Variants in HDAC8 observed in about 807,000 individuals in gnomAD.
The protein encoded by HDAC8 is histone deacetylase 8, also known as histone deacetylase-like 1.
HDAC8 carries 1 observed loss-of-function variant against 32.2 expected under a neutral mutation model. That is an observed-to-expected ratio of 0.03 (90% CI 0.01 to 0.15). The LOEUF is 0.15. HDAC8 is among the 10% of genes least tolerant of loss of function. The probability of loss-of-function intolerance (pLI) is 1.00; values close to 1 mark genes in which losing one functional copy is unlikely to be tolerated. For synonymous variants in HDAC8, 108 were observed against 113.9 expected (o/e 0.95, Z 0.33); for missense variants, 117 against 300.0 (o/e 0.39, Z 4.51).
At chrX:72,552,820 T>C (rs1445821326) in intron 4 of HDAC8, among the ~76,000 whole-genome samples, 5 of 88,860 alleles carry the variant, frequency 5.6e-5, no homozygotes, top group Non-Finnish European at 9.6e-5. Flanking sequence ...TATATACGTA[T>C]ATATACATAT....
intron 9 of HDAC8, among the ~76,000 whole-genome samples, chrX:72,460,638 T>A (rs1305070600): frequency 8.9e-6 from 1 of 112,080 alleles, no homozygotes; most frequent in Non-Finnish European, 1.9e-5. Context: ...TAAAATTTTA[T>A]CAATCTTTTA....
At chrX:72,566,606 C>T (rs1352381431) in intron 4 of HDAC8, among the ~76,000 whole-genome samples, 4 of 112,041 alleles carry the variant, frequency 3.6e-5, no homozygotes, top group African/African-American at 1.3e-4. Context: ...TTTCTCTTGA[C>T]CTAAGAGCAC....
intron 10 of HDAC8, among the ~76,000 whole-genome samples, chrX:72,349,926 C>A (rs782025296): frequency 2.7e-5 from 3 of 111,350 alleles, no homozygotes; most frequent in South Asian, 3.8e-4. Flanking sequence ...GGATTTAGAG[C>A]CTGGATGGGG....
rs782242024 is a variant in HDAC8 at position 72,491,759 on chromosome X, A to C, written c.551-753T>G. Among the ~76,000 whole-genome samples, 3 of 111,566 alleles carry C rather than the reference A, an allele frequency of 2.7e-5. No homozygotes were observed. The East Asian group carries it at 8.5e-4, about 31-fold the overall frequency. On this transcript the variant is annotated intron_variant, in intron 5 of 10. Coordinates refer to ENST00000373573, the MANE Select transcript of HDAC8 (RefSeq NM_018486.3). ...AAAGCTGGGATTTAAAGTAACCCTC[A>C]CAAGCCTCTACGTATACAGGTAAAC...
chrX:72,530,002 A>AG (rs2050278520), intron 4 of HDAC8, among the ~76,000 whole-genome samples: 1 of 112,264 alleles, frequency 8.9e-6, no homozygotes, highest in South Asian at 3.7e-4. Flanking sequence ...AAGTTTTCTG[A>AG]GGCCTCCCAG....
At chrX:72,400,199 T>C (rs1398668703) in intron 9 of HDAC8, among the ~76,000 whole-genome samples, 1 of 111,851 alleles carries the variant, frequency 8.9e-6, no homozygotes, top group Non-Finnish European at 1.9e-5. Context: ...ATATCTTCTC[T>C]TCTCTTGCTA....
At position 72,465,423 on chromosome X, in the gene HDAC8, GT is replaced by G. The variant is rs373742210; in HGVS notation, c.738-693del. On this transcript the variant is annotated intron_variant, in intron 7 of 10. Transcript: ENST00000373573. ...TCAGTGCTACCTACTCAACCTAGCTGTTTTTTTTTTTTTGATAGAACCCTTG... is the reference window on the plus strand; with the variant it reads ...TCAGTGCTACCTACTCAACCTAGCTGTTTTTTTTTTTTGATAGAACCCTTG... 5.1e-3 allele frequency among the ~76,000 whole-genome samples: 518 copies of G among 100,743 alleles called. 5 individuals are homozygous for G. The highest frequency in any genetic ancestry group is 0.028 in the East Asian group (90 of 3,265). The allele number at this position is 100,743 out of a possible 115,157, so 87.5% of individuals were successfully genotyped here. A position where few individuals can be genotyped will look rare whatever the true frequency, so the allele number is the denominator to read the frequency against.
chrX:72,502,856 G>C (rs183467476), intron 4 of HDAC8, among the ~76,000 whole-genome samples: 2 of 110,818 alleles, frequency 1.8e-5, no homozygotes, highest in East Asian at 5.7e-4. Context: ...AACCCAGGAG[G>C]GGGAGGTTGC....
At chrX:72,395,084 AAC>A (rs1216606906) in intron 9 of HDAC8, among the ~76,000 whole-genome samples, 1 of 112,022 alleles carries the variant, frequency 8.9e-6, no homozygotes, top group Non-Finnish European at 1.9e-5. Context: ...AACAAAACAA[AAC>A]AACTATAGTT....
At chrX:72,434,277 C>A (rs1183185779) in intron 9 of HDAC8, among the ~76,000 whole-genome samples, 5 of 111,099 alleles carry the variant, frequency 4.5e-5, no homozygotes, top group Non-Finnish European at 1.9e-5. Context: ...TGCTGACAGA[C>A]ATATATGAGA....
At chrX:72,370,734 C>T (rs373091535) in intron 9 of HDAC8, among the ~76,000 whole-genome samples, 10 of 111,977 alleles carry the variant, frequency 8.9e-5, no homozygotes, top group African/African-American at 3.2e-4. Flanking sequence ...GAGAGCCAGT[C>T]GGAGTTCCAA....
intron 7 of HDAC8, among the ~76,000 whole-genome samples, chrX:72,474,923 GT>G (rs1248866913): frequency 9.0e-6 from 1 of 111,564 alleles, no homozygotes; most frequent in Non-Finnish European, 1.9e-5. Context: ...ATGTTTTGTG[GT>G]TTTTTTGTTA....
chrX:72,367,375 C>T (rs1256429891), intron 9 of HDAC8, among the ~76,000 whole-genome samples: 2 of 112,078 alleles, frequency 1.8e-5, no homozygotes, highest in Non-Finnish European at 3.8e-5. Context: ...GCCTGGTTTC[C>T]ACCAACACTT....
Position 72,379,559 on chromosome X carries a change from G to A in HDAC8, c.1006-27721C>T, listed in dbSNP as rs187884864. 9.1e-5 allele frequency among the ~76,000 whole-genome samples: 9 copies of A among 99,391 alleles called. No homozygotes were observed. In the South Asian group the frequency reaches 2.6e-3, roughly 29 times the overall value. The allele number at this position is 99,391 out of a possible 115,157, so 86.3% of individuals were successfully genotyped here. ...GTCACCCAGGCTGGAGTGCAGTGGC[G>A]TGATCTCGGCTCATCACAACCTCCA... On this transcript the variant is annotated intron_variant, in intron 9 of 10. Transcript: ENST00000373573.
chrX:72,500,180 CA>C (rs2049162230), intron 4 of HDAC8, among the ~76,000 whole-genome samples: 1 of 111,681 alleles, frequency 9.0e-6, no homozygotes, highest in Non-Finnish European at 1.9e-5. Flanking sequence ...GATAGATTCA[CA>C]GCCAAATTCT....
intron 4 of HDAC8, among the ~76,000 whole-genome samples, chrX:72,531,236 T>C (rs1029460848): frequency 1.8e-5 from 2 of 112,062 alleles, no homozygotes; most frequent in East Asian, 2.8e-4. Flanking sequence ...AATAGAAAAT[T>C]TGCACTTCAA....
chrX:72,565,438 C>G (rs1188184206), intron 4 of HDAC8, among the ~76,000 whole-genome samples: 1 of 112,018 alleles, frequency 8.9e-6, no homozygotes, highest in African/African-American at 3.2e-5. Context: ...ATATTTATCA[C>G]AGGCATGTCC....
intron 7 of HDAC8, among the ~76,000 whole-genome samples, chrX:72,483,842 A>G (rs1053536478): frequency 2.7e-5 from 3 of 111,668 alleles, no homozygotes; most frequent in Non-Finnish European, 3.8e-5. Flanking sequence ...TTTGTTGGGT[A>G]TCAGTGGGGC....
chrX:72,342,162 C>T (rs1382166779), intron 10 of HDAC8, among the ~76,000 whole-genome samples: 1 of 112,672 alleles, frequency 8.9e-6, no homozygotes, highest in African/African-American at 3.2e-5. Flanking sequence ...CTTGGAGCTG[C>T]AAAGAGGCAG....
Sources: gnomAD v4.1 joint callset for allele counts (sites outside exome capture counted in the v4.1 genomes callset) on GRCh38, gnomAD v4.1.1 for gene constraint, MANE v1.5 for transcripts, NCBI Gene and HGNC (gene_info 2026-07-23, HGNC 2026-07-21) for gene names.